ENOX1: variants seen among roughly 807,000 people sequenced by gnomAD.
ENOX1 encodes candidate growth-related and time keeping constitutive hydroquinone (NADH) oxidase.
In ENOX1, 42 loss-of-function variants were observed where a neutral mutation model predicts 82.5. The observed-to-expected ratio is 0.51, with a 90% CI of 0.40 to 0.66. The LOEUF (loss-of-function observed/expected upper bound fraction) is 0.66, where lower values mean the gene tolerates loss of function less well. Among genes scored for constraint, ENOX1 ranks in the 30% least tolerant of loss-of-function variants. The pLI is 0.00. For missense variants in ENOX1, 608 were observed against 811.6 expected (o/e 0.75, Z 3.05); for synonymous variants, 271 against 282.2 (o/e 0.96, Z 0.40).
intron 1 of ENOX1, among the ~76,000 whole-genome samples, chr13:43,703,861 TA>T (rs1251008832): frequency 2.6e-5 from 4 of 151,800 alleles, no homozygotes; most frequent in Non-Finnish European, 5.9e-5. Flanking sequence ...ATTATATATA[TA>T]TTTTTTTAAA....
At chr13:43,302,444 T>C (rs914394153) in intron 11 of ENOX1, among the ~76,000 whole-genome samples, 3 of 152,210 alleles carry the variant, frequency 2.0e-5, no homozygotes, top group East Asian at 1.9e-4. Flanking sequence ...CCATTTCTAG[T>C]TACTCAGTAA....
At chr13:43,501,277 T>C (rs372598028) in intron 2 of ENOX1, among the ~76,000 whole-genome samples, 57 of 151,822 alleles carry the variant, frequency 3.8e-4, no homozygotes, top group East Asian at 1.4e-3. Flanking sequence ...GATCATTATA[T>C]AGGGGAAAAA....
chr13:43,271,676 C>G (rs968236495), intron 12 of ENOX1, among the ~76,000 whole-genome samples: 1 of 151,934 alleles, frequency 6.6e-6, no homozygotes, highest in Non-Finnish European at 1.5e-5. Flanking sequence ...AACACACACA[C>G]ACACACACAC....
intron 5 of ENOX1, among the ~76,000 whole-genome samples, chr13:43,368,175 T>C (rs1247030155): frequency 6.6e-6 from 1 of 152,214 alleles, no homozygotes; most frequent in Non-Finnish European, 1.5e-5. Context: ...AAACCTAAGA[T>C]GTGTATCCAG....
At chr13:43,583,858 T>C (rs2080859895) in intron 2 of ENOX1, among the ~76,000 whole-genome samples, 1 of 151,812 alleles carries the variant, frequency 6.6e-6, no homozygotes, top group Admixed American at 6.6e-5. Context: ...CCATGTCTTA[T>C]GTACCTTTGT....
chr13:43,440,479 C>T (rs772925261), intron 3 of ENOX1, among the ~76,000 whole-genome samples: 1 of 152,116 alleles, frequency 6.6e-6, no homozygotes, highest in Non-Finnish European at 1.5e-5. Context: ...TTTTTAAAGA[C>T]ATTTTACTGC....
intron 16 of ENOX1, among the ~76,000 whole-genome samples, chr13:43,221,910 T>C (rs1412652560): frequency 1.3e-5 from 2 of 152,090 alleles, no homozygotes; most frequent in Admixed American, 6.5e-5. Flanking sequence ...AGTCTAAATA[T>C]CCTCTCAGCC....
intron 1 of ENOX1, among the ~76,000 whole-genome samples, chr13:43,705,330 C>CTCTATATA (rs141765196): frequency 1.2e-4 from 16 of 129,850 alleles, no homozygotes; most frequent in South Asian, 2.6e-4. Flanking sequence ...CTCTCTCTCT[C>CTCTATATA]TATATATATA....
chr13:43,641,768 C>T (rs1289353620), intron 2 of ENOX1, among the ~76,000 whole-genome samples: 9 of 151,812 alleles, frequency 5.9e-5, no homozygotes, highest in Non-Finnish European at 7.4e-5. Context: ...CTCCTGACCT[C>T]GTGATCCAAC....
At chr13:43,784,696 CTA>C (rs1389813652) in intron 1 of ENOX1, among the ~76,000 whole-genome samples, 1 of 152,170 alleles carries the variant, frequency 6.6e-6, no homozygotes, top group East Asian at 1.9e-4. Context: ...AACAGTCATG[CTA>C]TGTTACTCTT....
At chr13:43,416,395 C>A (rs1443857007) in intron 3 of ENOX1, among the ~76,000 whole-genome samples, 1 of 147,144 alleles carries the variant, frequency 6.8e-6, no homozygotes, top group Admixed American at 6.8e-5. Context: ...ACGGGGCGGC[C>A]GGACAGAAGC....
chr13:43,333,111 G>A (rs2048502569), intron 9 of ENOX1, among the ~76,000 whole-genome samples: 1 of 152,144 alleles, frequency 6.6e-6, no homozygotes, highest in Non-Finnish European at 1.5e-5. Context: ...CTATTCATAT[G>A]TATGTTATCA....
At chr13:43,657,536 T>C (rs892408521) in intron 2 of ENOX1, among the ~76,000 whole-genome samples, 1 of 152,228 alleles carries the variant, frequency 6.6e-6, no homozygotes, top group South Asian at 2.1e-4. Flanking sequence ...GAAACATCCA[T>C]GGACACCCAT....
In ENOX1 at chr13:43,459,765, G is replaced by A. The variant is rs1423930269; in HGVS notation, c.-75+24244C>T. Among the ~76,000 whole-genome samples, 7 of 152,168 alleles carry A rather than the reference G, an allele frequency of 4.6e-5. No individual in the cohort carries two copies. In the South Asian group the frequency reaches 6.2e-4, roughly 14 times the overall value. On this transcript the variant is annotated intron_variant, in intron 3 of 16. Transcript: ENST00000690772. ...TCCCAGCACTTTGGGAGGCTGAGACGGGTGGATCACGAGGTCAGGAGTCTG... is the reference window on the plus strand; with the variant it reads ...TCCCAGCACTTTGGGAGGCTGAGACAGGTGGATCACGAGGTCAGGAGTCTG...
chr13:43,624,614 T>C (rs531486071), intron 2 of ENOX1, among the ~76,000 whole-genome samples: 1 of 152,144 alleles, frequency 6.6e-6, no homozygotes, highest in Admixed American at 6.5e-5. Context: ...CCCATGGATA[T>C]CAAATTGCTC....
intron 14 of ENOX1, among the ~76,000 whole-genome samples, chr13:43,245,170 T>C (rs913771705): frequency 6.6e-6 from 1 of 152,178 alleles, no homozygotes; most frequent in African/African-American, 2.4e-5. Flanking sequence ...CCTGGAATAT[T>C]GAAAACATGA....
At chr13:43,299,667 C>T (rs1347581291) in intron 11 of ENOX1, among the ~76,000 whole-genome samples, 1 of 152,118 alleles carries the variant, frequency 6.6e-6, no homozygotes, top group African/African-American at 2.4e-5. Flanking sequence ...TCTCACATTC[C>T]CCCACCAACT....
intron 2 of ENOX1, among the ~76,000 whole-genome samples, chr13:43,500,504 T>C (rs2076942855): frequency 6.6e-6 from 1 of 152,076 alleles, no homozygotes; most frequent in South Asian, 2.1e-4. Context: ...TAAAAATGCA[T>C]GAGAGACAAA....
intron 2 of ENOX1, chr13:43,545,453 A>G (rs9533522): frequency 0.97 from 148,325 of 152,340 alleles, 72,345 homozygotes; most frequent in East Asian, 1. Flanking sequence ...TGCATAAGAG[A>G]CCCCGGGGTG....
Sources: gnomAD v4.1 joint callset for allele counts (sites outside exome capture counted in the v4.1 genomes callset) on GRCh38, gnomAD v4.1.1 for gene constraint, MANE v1.5 for transcripts, NCBI Gene and HGNC (gene_info 2026-07-23, HGNC 2026-07-21) for gene names.